Variants in MFHAS1 observed in about 807,000 individuals in gnomAD.
MFHAS1 encodes malignant fibrous histiocytoma-amplified sequence 1.
MFHAS1 carries 50 observed loss-of-function variants against 70.4 expected under a neutral mutation model. That is an observed-to-expected ratio of 0.71 (90% confidence interval 0.57 to 0.90). The LOEUF is 0.90. MFHAS1 is among the 40% of genes least tolerant of loss of function. MFHAS1 has a pLI of 0.00. For missense variants in MFHAS1, 1,795 were observed against 1,347.6 expected (o/e 1.33, Z -5.20); for synonymous variants, 952 against 620.0 (o/e 1.54, Z -7.96).
intron 1 of MFHAS1, among the ~76,000 whole-genome samples, chr8:8,834,793 A>C (rs956967715): frequency 2.0e-5 from 3 of 152,256 alleles, no homozygotes; most frequent in African/African-American, 4.8e-5. Flanking sequence ...TAAGTAGAAG[A>C]AGCCAGATCT....
chr8:8,891,091 G>C lies in MFHAS1; in HGVS notation c.1968C>G (p.His656Gln), dbSNP rs779599873. The C allele has an allele frequency of 1.9e-6, 3 of 1,613,930 alleles. No individual in the cohort carries two copies. The South Asian group carries it at 3.3e-5, about 18-fold the overall frequency. ...AEHREIFPNL[H>Q]RVLPRSWQVL... The stretch of plus-strand genomic sequence containing the variant: ...CCTGCCAGGATCGAGGCAGTACTCT[G>C]TGTAAGTTGGGGAAGATCTCTCGGT... The change falls in exon 1 of 3, where the codon CAC becomes CAG. Residue 656 changes from histidine to glutamine, a missense_variant. Coordinates refer to ENST00000276282, the MANE Select transcript of MFHAS1 (RefSeq NM_004225.3). The surrounding 1 kb of genome is among the most constrained non-coding windows in gnomAD (Gnocchi z 5.4).
intron 1 of MFHAS1, among the ~76,000 whole-genome samples, chr8:8,815,568 G>A (rs776943265): frequency 1.3e-5 from 2 of 152,154 alleles, no homozygotes; most frequent in Non-Finnish European, 2.9e-5. Context: ...TCTGACTGGT[G>A]TGAGATGGTA....
intron 1 of MFHAS1, among the ~76,000 whole-genome samples, chr8:8,808,083 ACCATGAAAT>A (rs1316354909): frequency 5.3e-5 from 8 of 152,300 alleles, no homozygotes; most frequent in African/African-American, 1.7e-4. Context: ...ACCCCCCAGC[ACCATGAAAT>A]CTCCTGTGTC....
intron 1 of MFHAS1, among the ~76,000 whole-genome samples, chr8:8,868,456 A>C (rs1808945612): frequency 6.6e-6 from 1 of 151,176 alleles, no homozygotes; most frequent in Admixed American, 6.6e-5. Context: ...CTGATTACCT[A>C]GTGCCACTCG....
At chr8:8,809,908 A>G (rs1376154551) in intron 1 of MFHAS1, among the ~76,000 whole-genome samples, 1 of 152,224 alleles carries the variant, frequency 6.6e-6, no homozygotes, top group East Asian at 1.9e-4. Context: ...AGACGGCATA[A>G]AAGCATTCAG....
chr8:8,858,794 T>C (rs1808550636), intron 1 of MFHAS1, among the ~76,000 whole-genome samples: 1 of 152,112 alleles, frequency 6.6e-6, no homozygotes, highest in Non-Finnish European at 1.5e-5. Context: ...AGTTCAAATC[T>C]ATGTTGTTCA....
intron 1 of MFHAS1, among the ~76,000 whole-genome samples, chr8:8,798,992 G>A (rs762906527): frequency 6.6e-6 from 1 of 151,826 alleles, no homozygotes; most frequent in South Asian, 2.1e-4. Flanking sequence ...AGGTTCCAGT[G>A]AGCCCAGATT....
intron 1 of MFHAS1, among the ~76,000 whole-genome samples, chr8:8,858,987 T>G (rs1212038863): frequency 6.6e-6 from 1 of 152,240 alleles, no homozygotes; most frequent in Non-Finnish European, 1.5e-5. Context: ...TGTTACTTCT[T>G]ACATATGCAC....
At chr8:8,800,570 G>A (rs1011476102) in intron 1 of MFHAS1, among the ~76,000 whole-genome samples, 2 of 152,096 alleles carry the variant, frequency 1.3e-5, no homozygotes, top group African/African-American at 2.4e-5. Context: ...CAGGGGCCAG[G>A]ACTCCAACGA....
chr8:8,822,936 G>A (rs1473333511), intron 1 of MFHAS1, among the ~76,000 whole-genome samples: 1 of 152,178 alleles, frequency 6.6e-6, no homozygotes, highest in Admixed American at 6.5e-5. Flanking sequence ...ATCAGGACAG[G>A]AGGTACCGAC....
rs1156579459 is a variant in MFHAS1, at chr8:8,796,696, A to AAAAAAAAAAAGGC, written c.3125+668_3125+669insGCCTTTTTTTTTT. ...AAGACTCCGTCTCAAAACAAAAAAA[A>AAAAAAAAAAAGGC]AAAAAAAGGCAAAAAAAGGCCGGAC... On this transcript the variant is annotated intron_variant, in intron 2 of 2. Coordinates refer to ENST00000276282, the MANE Select transcript of MFHAS1 (RefSeq NM_004225.3). Among the ~76,000 whole-genome samples, 14 of 97,448 alleles carry AAAAAAAAAAAGGC rather than the reference A, an allele frequency of 1.4e-4. 4 individuals carry two copies. Among genetic ancestry groups the AAAAAAAAAAAGGC allele is most frequent in the Non-Finnish European group, 2.3e-4 (10 of 42,984 alleles). The allele number at this position is 97,448 out of a possible 152,430, so 63.9% of individuals were successfully genotyped here. A position where few individuals can be genotyped will look rare whatever the true frequency, so the allele number is the denominator to read the frequency against.
At chr8:8,829,679 T>A (rs920572926) in intron 1 of MFHAS1, among the ~76,000 whole-genome samples, 3 of 152,136 alleles carry the variant, frequency 2.0e-5, no homozygotes, top group Non-Finnish European at 4.4e-5. Flanking sequence ...AGACTCTGTC[T>A]CAAACCAACA....
chr8:8,864,437 C>G (rs183109665), intron 1 of MFHAS1, among the ~76,000 whole-genome samples: 6 of 152,296 alleles, frequency 3.9e-5, no homozygotes, highest in African/African-American at 1.4e-4. Context: ...CTATCAGAAT[C>G]ACCAAGTAAA....
chr8:8,809,634 C>G (rs1017986194), intron 1 of MFHAS1, among the ~76,000 whole-genome samples: 1 of 152,162 alleles, frequency 6.6e-6, no homozygotes, highest in Admixed American at 6.5e-5. Flanking sequence ...AAACTATTTC[C>G]CCTTTTCCTG....
In MFHAS1 at chr8:8,892,314, G is replaced by C; in HGVS notation, c.745C>G (p.Leu249Val). ...LGTLPAGFCE[L>V]ASLESLMLDN... ...AGCATGAGGCTCTCCAAACTGGCCA[G>C]CTCGCAGAAGCCGGCGGGCAGCGTG... is the stretch of plus-strand genomic sequence containing the variant. Residue 249 changes from leucine (L) to valine (V), a missense_variant, in exon 1 of 3, where the codon CTG becomes GTG. By Grantham distance (32) the Leu-to-Val change is conservative (BLOSUM62 1). Transcript: ENST00000276282. This position sits in a 1 kb window ranked among gnomAD's most constrained non-coding sequence, Gnocchi z 4.7. The C allele has an allele frequency of 1.2e-6, 2 of 1,612,486 alleles. No individual in the cohort carries two copies. The highest frequency in any genetic ancestry group is 1.7e-6 in the Non-Finnish European group (2 of 1,180,028).
At chr8:8,888,691 T>C (rs548693274) in intron 1 of MFHAS1, among the ~76,000 whole-genome samples, 1 of 152,272 alleles carries the variant, frequency 6.6e-6, no homozygotes, top group South Asian at 2.1e-4. Context: ...GATCTGTGGT[T>C]GCCGGGGTTG....
chr8:8,832,529 C>A (rs1807440767), intron 1 of MFHAS1, among the ~76,000 whole-genome samples: 1 of 151,438 alleles, frequency 6.6e-6, no homozygotes, highest in African/African-American at 2.4e-5. Context: ...AAACAGAAAC[C>A]TTACGAAGAT....
intron 1 of MFHAS1, among the ~76,000 whole-genome samples, chr8:8,831,152 G>A (rs956826490): frequency 2.0e-5 from 3 of 151,712 alleles, no homozygotes; most frequent in Admixed American, 6.6e-5. Flanking sequence ...GTGGGCTCTC[G>A]GGGGTCTCTT....
intron 1 of MFHAS1, among the ~76,000 whole-genome samples, chr8:8,830,398 C>T (rs982086703): frequency 4.6e-5 from 7 of 152,106 alleles, no homozygotes; most frequent in Non-Finnish European, 1.0e-4. Flanking sequence ...TGTTTTTGTT[C>T]AGCTATTTTA....
Sources: allele counts gnomAD v4.1 joint callset (sites outside exome capture counted in the v4.1 genomes callset), GRCh38; gene constraint gnomAD v4.1.1; non-coding constraint Gnocchi (gnomAD v3.1); transcripts MANE v1.5; gene names NCBI Gene and HGNC (gene_info 2026-07-23, HGNC 2026-07-21).